Variants in KCNQ3 observed in about 807,000 individuals in gnomAD.
KCNQ3 encodes potassium voltage-gated channel subfamily KQT member 3.
Under a neutral mutation model 92.5 loss-of-function variants are expected in KCNQ3, and 30 were observed. The ratio of observed to expected loss-of-function variants is 0.32; its 90% CI spans 0.24 to 0.44. KCNQ3 has a LOEUF of 0.44. Ranked by LOEUF, KCNQ3 falls within the 20% of genes least tolerant of loss-of-function variation. The pLI is 1.00. For missense variants in KCNQ3, 913 were observed against 1,140.3 expected, an observed-to-expected ratio of 0.80 and a Z score of 2.87; for synonymous variants, 450 against 468.8, an observed-to-expected ratio of 0.96 and a Z score of 0.52.
chr8:132,406,331 A>G (rs1000377644), intron 1 of KCNQ3, among the ~76,000 whole-genome samples: 1 of 152,112 alleles, frequency 6.6e-6, no homozygotes, highest in Non-Finnish European at 1.5e-5. Context: ...GCTACGTCCA[A>G]TCTCACAGTG....
At position 132,173,712 on chromosome 8, in the gene KCNQ3, C is replaced by T. The variant is rs184718235; in HGVS notation, c.1044+527G>A. ...ATGCAATCTGCTTTCATTATTATTACGTACCTGGACACTGGGCGTTGGGGA... is the reference window on the plus strand; with the variant it reads ...ATGCAATCTGCTTTCATTATTATTATGTACCTGGACACTGGGCGTTGGGGA... On this transcript the variant is annotated intron_variant, in intron 6 of 14. Transcript: ENST00000388996. 4.0e-3 allele frequency among the ~76,000 whole-genome samples: 603 copies of T among 152,252 alleles called. 17 individuals are homozygous for T. Among genetic ancestry groups the T allele is most frequent in the Admixed American group, 0.031 (468 of 15,286 alleles).
intron 10 of KCNQ3, chr8:132,140,817 T>C (rs1434897412): frequency 5.0e-6 from 2 of 402,854 alleles, no homozygotes; most frequent in Non-Finnish European, 9.2e-6. Flanking sequence ...CGCCCCATCC[T>C]TCAAGTTGAC....
At chr8:132,216,675 C>CA (rs940125211) in intron 1 of KCNQ3, among the ~76,000 whole-genome samples, 2 of 151,838 alleles carry the variant, frequency 1.3e-5, no homozygotes, top group African/African-American at 4.8e-5. Flanking sequence ...AAAAATGCCA[C>CA]AAAAAAAGGG....
chr8:132,277,756 C>T (rs1384186379), intron 1 of KCNQ3, among the ~76,000 whole-genome samples: 2 of 152,174 alleles, frequency 1.3e-5, no homozygotes, highest in African/African-American at 2.4e-5. Flanking sequence ...CCAGAAACCC[C>T]ACCCTGCCCT....
At chr8:132,452,964 A>C (rs1260756844) in intron 1 of KCNQ3, among the ~76,000 whole-genome samples, 1 of 152,206 alleles carries the variant, frequency 6.6e-6, no homozygotes, top group African/African-American at 2.4e-5. Context: ...AGATTATGAT[A>C]ATTACAGCTC....
chr8:132,148,188 G>C (rs1267839100), intron 9 of KCNQ3, among the ~76,000 whole-genome samples: 1 of 152,124 alleles, frequency 6.6e-6, no homozygotes, highest in East Asian at 1.9e-4. Flanking sequence ...AAAGAAAGGG[G>C]GTCTGGAACT....
chr8:132,276,851 G>A (rs907028292), intron 1 of KCNQ3, among the ~76,000 whole-genome samples: 8 of 152,186 alleles, frequency 5.3e-5, no homozygotes, highest in African/African-American at 1.9e-4. Context: ...CTGTACAATG[G>A]GATAATGCCA....
At chr8:132,404,052 G>T (rs1421716958) in intron 1 of KCNQ3, among the ~76,000 whole-genome samples, 1 of 152,166 alleles carries the variant, frequency 6.6e-6, no homozygotes. Context: ...ACCAGCCCTT[G>T]CCTGGAATAA....
chr8:132,364,690 C>CGGATGGATGGATGGATGGAT lies in KCNQ3; in HGVS notation c.386+115456_386+115457insATCCATCCATCCATCCATCC, dbSNP rs879016668. 1.3e-3 allele frequency among the ~76,000 whole-genome samples: 192 copies of CGGATGGATGGATGGATGGAT among 147,716 alleles called. 1 individual carries two copies. The highest frequency in any genetic ancestry group is 3.5e-3 in the Middle Eastern group (1 of 284). Reference sequence around the variant, plus strand: ...ATGGATGGACGGACGGACGGACGGACGGACGGATGGATGGATGGATGGATG... The same window carrying CGGATGGATGGATGGATGGAT: ...ATGGATGGACGGACGGACGGACGGACGGATGGATGGATGGATGGATGGACGGATGGATGGATGGATGGATG... On this transcript the variant is annotated intron_variant, in intron 1 of 14. Coordinates refer to ENST00000388996, the MANE Select transcript of KCNQ3 (RefSeq NM_004519.4).
At chr8:132,267,071 T>C (rs1291741984) in intron 1 of KCNQ3, among the ~76,000 whole-genome samples, 1 of 152,172 alleles carries the variant, frequency 6.6e-6, no homozygotes, top group Admixed American at 6.5e-5. Flanking sequence ...GAAGGAACCC[T>C]GGGTTTCATA....
chr8:132,275,543 T>G (rs1816297619), intron 1 of KCNQ3, among the ~76,000 whole-genome samples: 1 of 151,080 alleles, frequency 6.6e-6, no homozygotes. Context: ...AAAACGCACC[T>G]CATGGGATCA....
chr8:132,437,722 G>C (rs1239788839), intron 1 of KCNQ3, among the ~76,000 whole-genome samples: 2 of 152,152 alleles, frequency 1.3e-5, no homozygotes, highest in Non-Finnish European at 2.9e-5. Context: ...TTGCTTGGGA[G>C]AGATACATCT....
chr8:132,154,659 T>G (rs1038369040), intron 9 of KCNQ3, among the ~76,000 whole-genome samples: 2 of 152,182 alleles, frequency 1.3e-5, no homozygotes, highest in African/African-American at 4.8e-5. Flanking sequence ...TTGTGCCGCT[T>G]GCAGGGAGGA....
intron 1 of KCNQ3, among the ~76,000 whole-genome samples, chr8:132,243,811 G>T (rs1016112204): frequency 2.0e-5 from 3 of 152,212 alleles, no homozygotes; most frequent in African/African-American, 7.2e-5. Flanking sequence ...TGATGGACAT[G>T]AGGGTAGAAA....
At chr8:132,406,757 T>C (rs1183776575) in intron 1 of KCNQ3, among the ~76,000 whole-genome samples, 1 of 152,200 alleles carries the variant, frequency 6.6e-6, no homozygotes, top group Non-Finnish European at 1.5e-5. Flanking sequence ...GAGCAGAAAC[T>C]ACATTAAATA....
chr8:132,333,702 T>C (rs575637920), intron 1 of KCNQ3, among the ~76,000 whole-genome samples: 6 of 152,130 alleles, frequency 3.9e-5, no homozygotes, highest in Admixed American at 6.5e-5. Context: ...ATGTAAACTT[T>C]GTCCTATGTT....
Position 132,141,113 on chromosome 8 carries a change from G to A in KCNQ3, c.1465+16C>T, listed in dbSNP as rs1408647235. ...AAGAAGTGGAAGAGACAGGGAGGGA[G>A]ATAAAAAGGCATTACCTTCAGAACT... On this transcript the variant is annotated intron_variant, in intron 10 of 14. Coordinates refer to ENST00000388996, the MANE Select transcript of KCNQ3 (RefSeq NM_004519.4). The A allele has an allele frequency of 1.9e-6, 3 of 1,611,412 alleles. No homozygotes were observed. Among genetic ancestry groups the A allele is most frequent in the Non-Finnish European group, 2.5e-6 (3 of 1,177,518 alleles).
At chr8:132,178,456 TA>T (rs983978015) in intron 4 of KCNQ3, among the ~76,000 whole-genome samples, 5 of 152,206 alleles carry the variant, frequency 3.3e-5, no homozygotes, top group African/African-American at 9.7e-5. Context: ...ATATTCAGAA[TA>T]AAAAACACTA....
At chr8:132,479,882 G>A (rs1271963116) in intron 1 of KCNQ3, among the ~76,000 whole-genome samples, 1 of 149,926 alleles carries the variant, frequency 6.7e-6, no homozygotes, top group Non-Finnish European at 1.5e-5. Context: ...GCACACATCC[G>A]CCCAAATCAG....
Sources: gnomAD v4.1 joint callset for allele counts (sites outside exome capture counted in the v4.1 genomes callset) on GRCh38, gnomAD v4.1.1 for gene constraint, MANE v1.5 for transcripts, NCBI Gene and HGNC (gene_info 2026-07-23, HGNC 2026-07-21) for gene names.